Variants in THBS2 observed in about 807,000 individuals in gnomAD.
THBS2 encodes the protein thrombospondin 2.
Under a neutral mutation model 135.2 loss-of-function variants are expected in THBS2, and 47 were observed. The ratio of observed to expected loss-of-function variants is 0.35; its 90% confidence interval spans 0.28 to 0.44. THBS2 has a LOEUF of 0.44. Among genes scored for constraint, THBS2 ranks in the 20% least tolerant of loss-of-function variants. The probability of loss-of-function intolerance (pLI) is 1.00; values close to 1 mark genes in which losing one functional copy is unlikely to be tolerated. For synonymous variants in THBS2, 639 were observed against 633.8 expected (o/e 1.01, Z -0.12); for missense variants, 1,288 against 1,603.1 (o/e 0.80, Z 3.36).
chr6:169,248,551 C>G lies in THBS2; in HGVS notation c.475G>C (p.Glu159Gln). 1.2e-6 allele frequency: 2 copies of G among 1,614,012 alleles called. No individual in the cohort carries two copies. The highest frequency in any genetic ancestry group is 1.7e-6 in the Non-Finnish European group (2 of 1,180,042). Reference protein sequence around the residue: ...WKNVTVQVAGETYSLHVGCDL... With the variant: ...WKNVTVQVAGQTYSLHVGCDL... Reference sequence around the variant, plus strand: ...CAGCCCACGTGCAAGCTGTAGGTCTCGCCAGCCACCTGCACGGTGACGTTC... The same window carrying G: ...CAGCCCACGTGCAAGCTGTAGGTCTGGCCAGCCACCTGCACGGTGACGTTC... The change falls in exon 3 of 22, where the codon GAG becomes CAG. Residue 159 changes from glutamate to glutamine, a missense_variant. Transcript: ENST00000617924.
At chr6:169,228,970 A>G (rs1351038356) in intron 14 of THBS2, among the ~76,000 whole-genome samples, 1 of 151,888 alleles carries the variant, frequency 6.6e-6, no homozygotes, top group Non-Finnish European at 1.5e-5. Context: ...TCATTTTATC[A>G]TTATTTATGC....
intron 18 of THBS2, among the ~76,000 whole-genome samples, chr6:169,222,990 A>G (rs1035253739): frequency 1.3e-5 from 2 of 152,194 alleles, no homozygotes; most frequent in Non-Finnish European, 1.5e-5. Context: ...GAGTTCTGAG[A>G]GGATTATGAG....
chr6:169,226,765 T>C (rs1278725729), intron 15 of THBS2, among the ~76,000 whole-genome samples: 1 of 152,216 alleles, frequency 6.6e-6, no homozygotes, highest in African/African-American at 2.4e-5. Flanking sequence ...TGAGTTGCAT[T>C]GATACTGAAG....
rs370849329 is a variant in THBS2, at chr6:169,221,706, G to A, written c.3274-179C>T. Among the ~76,000 whole-genome samples, 71 of 152,302 alleles carry A rather than the reference G, an allele frequency of 4.7e-4. 3 individuals are homozygous for A. The East Asian group carries it at 7.5e-3, about 16-fold the overall frequency. ...TCTCTACTGTGGATTGAAGCCCATG[G>A]ACAGAGTGTGGCTCAGGGCTGAGAG... On this transcript the variant is annotated intron_variant, in intron 19 of 21. Coordinates refer to ENST00000617924, the MANE Select transcript of THBS2 (RefSeq NM_003247.5).
Position 169,248,471 on chromosome 6 carries a change from C to T in THBS2, c.555G>A (p.Ala185=), listed in dbSNP as rs528063969. 21 of 1,612,990 alleles carry T rather than the reference C, an allele frequency of 1.3e-5. No homozygotes were observed. In the East Asian group the frequency reaches 2.5e-4, roughly 19 times the overall value. ...TGGCCACGTACATCCGGCTCTTTTCCGCCTGCAGGTGCTCGTAGAAGGGCT... is the reference window on the plus strand; with the variant it reads ...TGGCCACGTACATCCGGCTCTTTTCTGCCTGCAGGTGCTCGTAGAAGGGCT... The part of the protein sequence containing the change: ...LDEPFYEHLQ[A]EKSRMYVAKG... The change falls in exon 3 of 22, where the codon GCG becomes GCA. Residue 185 remains alanine (A), a synonymous_variant. Transcript: ENST00000617924.
In THBS2 at chr6:169,217,820, G is replaced by GT; in HGVS notation, c.*1dup. On this transcript the variant is annotated 3_prime_UTR_variant, in exon 22 of 22. Transcript: ENST00000617924. ...CATTGCCGGAAATGCAGCAAATCTT[G>GT]TTTAAATATCTACAAAAAGAAAAAA... 6.3e-7 allele frequency: 1 copy of GT among 1,594,096 alleles called. No individual in the cohort carries two copies. The highest frequency in any genetic ancestry group is 8.5e-7 in the Non-Finnish European group (1 of 1,175,084).
At position 169,231,328 on chromosome 6, in the gene THBS2, G is replaced by A. The variant is rs73043872; in HGVS notation, c.2151+652C>T. Among the ~76,000 whole-genome samples, 1,080 of 152,320 alleles carry A rather than the reference G, an allele frequency of 7.1e-3. 3 individuals carry two copies. Among genetic ancestry groups the A allele is most frequent in the South Asian group, 0.025 (121 of 4,826 alleles). ...AGGTCAGGGCCATGCAGCCACCAGC[G>A]CCAGAAGCCCAGCGACGCCTGAGCC... On this transcript the variant is annotated intron_variant, in intron 13 of 21. Coordinates refer to ENST00000617924, the MANE Select transcript of THBS2 (RefSeq NM_003247.5).
At chr6:169,227,252 G>C (rs6914839) in intron 15 of THBS2, among the ~76,000 whole-genome samples, 55,232 of 151,954 alleles carry the variant, frequency 0.36, 10,278 homozygotes, top group Middle Eastern at 0.42. Flanking sequence ...CCAGCGTGGA[G>C]GCGAGCCTGC....
Position 169,220,274 on chromosome 6 carries a change from G to A in THBS2, c.3435C>T (p.Tyr1145=), listed in dbSNP as rs138506061. 1.8e-4 allele frequency: 289 copies of A among 1,613,920 alleles called. 4 individuals are homozygous for A. Among genetic ancestry groups the A allele is most frequent in the South Asian group, 1.6e-3 (150 of 91,080 alleles). Residue 1145 remains tyrosine, a synonymous_variant, in exon 21 of 22, where the codon TAC becomes TAT. Transcript: ENST00000617924. The part of the protein sequence containing the change: ...ADSGPIYDQT[Y]AGGRLGLFVF... ...CAAATAGACCCAGCCGCCCGCCAGC[G>A]TAGGTTTGGTCATAGATAGGTCCTG... is the stretch of plus-strand genomic sequence containing the variant.
At chr6:169,250,828 G>A (rs79957619) in intron 1 of THBS2, 22 bp from the exon 2 acceptor site, 3 of 1,587,038 alleles carry the variant, frequency 1.9e-6, no homozygotes, top group East Asian at 2.2e-5. Flanking sequence ...GGAAACCCTT[G>A]TTAGTGATGA....
At position 169,222,263 on chromosome 6, in the gene THBS2, G is replaced by A. The variant is rs1271500452; in HGVS notation, c.3207C>T (p.Asn1069=). 4 of 1,613,274 alleles carry A rather than the reference G, an allele frequency of 2.5e-6. No homozygotes were observed. The highest frequency in any genetic ancestry group is 1.7e-5 in the Admixed American group (1 of 60,024). ...GYSGVSLKVV[N]STTGTGEHLR... is the part of the protein sequence containing the mutation. The stretch of plus-strand genomic sequence containing the variant: ...GGTGCTCGCCCGTCCCCGTGGTGGA[G>A]TTCACCACCTTGAGGGACACGCCGG... Residue 1069 remains asparagine, a synonymous_variant, in exon 19 of 22, where the codon AAC becomes AAT. Transcript: ENST00000617924.
At position 169,239,592 on chromosome 6, in the gene THBS2, TACTC is replaced by T; in HGVS notation, c.1129+3_1129+6del. 6.3e-7 allele frequency: 1 copy of T among 1,594,766 alleles called. No homozygotes were observed. Among genetic ancestry groups the T allele is most frequent in the Non-Finnish European group, 8.5e-7 (1 of 1,170,808 alleles). On this transcript the variant is annotated splice_donor_5th_base_variant and intron_variant, in intron 7 of 21. Coordinates refer to ENST00000617924, the MANE Select transcript of THBS2 (RefSeq NM_003247.5). ...GCAGGATGCGCTTGCCGGCTGGCGA[TACTC>T]ACAGTGGAGGCAGGAAGGGCAGCAT...
At chr6:169,221,588 G>A (rs1333659534) in intron 19 of THBS2, 61 bp from the exon 20 acceptor site, 2 of 1,476,810 alleles carry the variant, frequency 1.4e-6, no homozygotes, top group South Asian at 1.1e-5. Context: ...CCACAGCTCT[G>A]TAACACCAAG....
At chr6:169,233,063 G>A (rs1366889000) in intron 10 of THBS2, 46 bp from the exon 11 acceptor site, 8 of 1,464,802 alleles carry the variant, frequency 5.5e-6, no homozygotes, top group East Asian at 2.5e-5. Flanking sequence ...GCCCTGCGCA[G>A]CACAGAAGGA....
At position 169,239,410 on chromosome 6, in the gene THBS2, A is replaced by G. The variant is rs1034686742; in HGVS notation, c.1129+189T>C. On this transcript the variant is annotated intron_variant, in intron 7 of 21. Transcript: ENST00000617924. ...ACCCCCGCGTTCCCAGGGCTTCCAC[A>G]CTCCTTTCTAGCCATGAGTCAGTCC... is the stretch of plus-strand genomic sequence containing the variant. The G allele has an allele frequency of 2.2e-5, 13 of 599,746 alleles. No individual in the cohort carries two copies. The African/African-American group carries it at 2.2e-4, about 10-fold the overall frequency. 37.2% of individuals were successfully genotyped at this position (599,746 alleles called of 1,614,324 possible).
At chr6:169,227,162 TGGCTCAGAAAGG>T (rs981960220) in intron 15 of THBS2, among the ~76,000 whole-genome samples, 1 of 151,718 alleles carries the variant, frequency 6.6e-6, no homozygotes, top group African/African-American at 2.4e-5. Context: ...CAGGTTGGGG[TGGCTCAGAAAGG>T]GGGTGGCTGG....
At chr6:169,220,429 CA>C in intron 20 of THBS2, 92 bp from the exon 21 acceptor site, 1 of 1,493,256 alleles carries the variant, frequency 6.7e-7, no homozygotes, top group Non-Finnish European at 9.1e-7. Flanking sequence ...GCTCCGGACA[CA>C]AGCTGTGGAT....
At chr6:169,221,282 T>C (rs1779420866) in intron 20 of THBS2, 148 bp downstream of exon 20, 1 of 655,700 alleles carries the variant, frequency 1.5e-6, no homozygotes, top group South Asian at 1.9e-5. Context: ...AGATGCAGGA[T>C]AGAAAAGAGA....
Position 169,229,696 on chromosome 6 carries a change from A to G in THBS2, c.2152-17T>C. On this transcript the variant is annotated splice_polypyrimidine_tract_variant and intron_variant, in intron 13 of 21. Transcript: ENST00000617924. ...GCAGTTATCCTGCAATTGGAGAAGG[A>G]AGAATACTTGGAAAAACATTTAGGA... The G allele has an allele frequency of 1.9e-6, 3 of 1,597,042 alleles. No individual in the cohort carries two copies. Among genetic ancestry groups the G allele is most frequent in the Non-Finnish European group, 2.6e-6 (3 of 1,164,848 alleles).
Sources: gnomAD v4.1 joint callset for allele counts (sites outside exome capture counted in the v4.1 genomes callset) on GRCh38, gnomAD v4.1.1 for gene constraint, MANE v1.5 for transcripts, NCBI Gene and HGNC (gene_info 2026-07-23, HGNC 2026-07-21) for gene names.